DCDC2: variants seen among roughly 807,000 people sequenced by gnomAD.
DCDC2 encodes the protein doublecortin domain containing 2, also known as doublecortin domain-containing protein 2.
In DCDC2, 40 loss-of-function variants were observed where a neutral mutation model predicts 50.2. The observed-to-expected ratio is 0.80, with a 90% CI of 0.62 to 1.04. The LOEUF is 1.04. Among genes scored for constraint, DCDC2 ranks in the 50% least tolerant of loss-of-function variants. The pLI is 0.00. For missense variants in DCDC2, 570 were observed against 581.9 expected, an observed-to-expected ratio of 0.98 and a Z score of 0.21; for synonymous variants, 234 against 210.6, an observed-to-expected ratio of 1.11 and a Z score of -0.96.
At chr6:24,188,960 G>A (rs1253031516) in intron 8 of DCDC2, among the ~76,000 whole-genome samples, 1 of 151,792 alleles carries the variant, frequency 6.6e-6, no homozygotes, top group Non-Finnish European at 1.5e-5. Flanking sequence ...TACGATTACA[G>A]ACAATATGTA....
At chr6:24,381,945 G>GGA in the DCDC2 span, among the ~76,000 whole-genome samples, 25 of 96,768 alleles carry the variant, frequency 2.6e-4, no homozygotes, top group African/African-American at 9.4e-4. Context: ...AAAGAAAGAA[G>GGA]AAGAAGGAAA....
chr6:24,231,372 G>A (rs1419529551), intron 7 of DCDC2, among the ~76,000 whole-genome samples: 1 of 152,182 alleles, frequency 6.6e-6, no homozygotes, highest in African/African-American at 2.4e-5. Flanking sequence ...CAGGCCAGGA[G>A]CTCTGGTTGC....
At chr6:24,358,959 T>A (rs1581671513), upstream of DCDC2, among the ~76,000 whole-genome samples, 2 of 76,298 alleles carry the variant, frequency 2.6e-5, no homozygotes, top group African/African-American at 5.8e-5. Flanking sequence ...TATTATATAT[T>A]ATATATTATA....
chr6:24,245,674 A>G (rs946955988), intron 7 of DCDC2, among the ~76,000 whole-genome samples: 22 of 152,250 alleles, frequency 1.4e-4, no homozygotes, highest in Non-Finnish European at 1.9e-4. Context: ...GATTAGATTT[A>G]CATATGATGT....
Position 24,301,821 on chromosome 6 carries a change from TTA to T in DCDC2, c.449_450del (p.Ile150LysfsTer46), listed in dbSNP as rs745462287. The T allele has an allele frequency of 6.2e-6, 10 of 1,614,158 alleles. No individual in the cohort carries two copies. The highest frequency in any genetic ancestry group is 1.1e-5 in the South Asian group (1 of 91,076). ...TIFLIANGDL[I>X]NPASRLLIPR... The stretch of plus-strand genomic sequence containing the variant: ...GGGATAAGGAGGCGAGAAGCTGGGT[TTA>T]TGAGGTCTCCATTTGCAATCAAGCT... On this transcript the variant is annotated frameshift_variant, in exon 4 of 10. Transcript: ENST00000378454. LOFTEE classifies it high-confidence loss of function.
chr6:24,323,778 C>T (rs1270021546), intron 2 of DCDC2, among the ~76,000 whole-genome samples: 1 of 152,192 alleles, frequency 6.6e-6, no homozygotes, highest in Non-Finnish European at 1.5e-5. Flanking sequence ...CATTTAAGCA[C>T]TTAAGCATAA....
At chr6:24,193,260 A>G (rs1397131714) in intron 8 of DCDC2, among the ~76,000 whole-genome samples, 1 of 152,158 alleles carries the variant, frequency 6.6e-6, no homozygotes, top group Non-Finnish European at 1.5e-5. Flanking sequence ...AGTTCCACAA[A>G]AATTGAAGGT....
chr6:24,298,522 T>C (rs73396022), intron 4 of DCDC2, among the ~76,000 whole-genome samples: 4,144 of 152,300 alleles, frequency 0.027, 166 homozygotes, highest in African/African-American at 0.09. Context: ...TCCATAACCC[T>C]GGGCAAATAA....
intron 4 of DCDC2, among the ~76,000 whole-genome samples, chr6:24,298,160 C>G (rs1759293940): frequency 6.6e-6 from 1 of 152,212 alleles, no homozygotes; most frequent in Non-Finnish European, 1.5e-5. Context: ...CTAGATACCT[C>G]GCATGCACAG....
At chr6:24,374,185 A>C in the DCDC2 span, among the ~76,000 whole-genome samples, 1 of 148,908 alleles carries the variant, frequency 6.7e-6, no homozygotes, top group Non-Finnish European at 1.5e-5. Context: ...AAAAGGAAGG[A>C]GAGGAAGAAG....
intron 8 of DCDC2, among the ~76,000 whole-genome samples, chr6:24,193,745 T>C (rs1432383882): frequency 6.6e-6 from 1 of 152,110 alleles, no homozygotes; most frequent in Non-Finnish European, 1.5e-5. Context: ...AAGGTATCTG[T>C]ATGTGTTTGT....
the DCDC2 span, among the ~76,000 whole-genome samples, chr6:24,368,038 T>G: frequency 6.6e-6 from 1 of 152,078 alleles, no homozygotes; most frequent in Admixed American, 6.6e-5. Context: ...AGACTTTAAA[T>G]AGCAGATTAG....
chr6:24,200,084 C>A (rs192481953), intron 8 of DCDC2, among the ~76,000 whole-genome samples: 2 of 152,308 alleles, frequency 1.3e-5, no homozygotes, highest in East Asian at 3.9e-4. Flanking sequence ...AGAAAACACT[C>A]TTCAGGATGT....
In DCDC2 at chr6:24,315,474, C is replaced by A. The variant is rs998317142; in HGVS notation, c.349-13430G>T. ...ATGTACCTCCTAGTTTATTTACTAT[C>A]CACAGAGAGGGCTCATTCATTCAAT... On this transcript the variant is annotated intron_variant, in intron 2 of 9. Coordinates refer to ENST00000378454, the MANE Select transcript of DCDC2 (RefSeq NM_016356.5). Among the ~76,000 whole-genome samples, 3 of 152,138 alleles carry A rather than the reference C, an allele frequency of 2.0e-5. No individual in the cohort carries two copies. The South Asian group carries it at 6.2e-4, about 31-fold the overall frequency.
chr6:24,327,123 G>A (rs1247298259), intron 2 of DCDC2, among the ~76,000 whole-genome samples: 1 of 149,268 alleles, frequency 6.7e-6, no homozygotes, highest in Admixed American at 6.7e-5. Flanking sequence ...CAATTAACTG[G>A]ATAGTATGTA....
At chr6:24,338,909 G>A (rs552679394) in intron 2 of DCDC2, among the ~76,000 whole-genome samples, 7 of 152,256 alleles carry the variant, frequency 4.6e-5, no homozygotes, top group Non-Finnish European at 7.4e-5. Context: ...CTCCCAAAGT[G>A]CTGGGATTAC....
chr6:24,299,377 A>T (rs575573607), intron 4 of DCDC2, among the ~76,000 whole-genome samples: 1 of 152,310 alleles, frequency 6.6e-6, no homozygotes, highest in Admixed American at 6.5e-5. Flanking sequence ...CTTATTGGGT[A>T]CTATGCTCAC....
At chr6:24,308,900 G>A (rs981795735) in intron 2 of DCDC2, among the ~76,000 whole-genome samples, 15 of 152,218 alleles carry the variant, frequency 9.9e-5, no homozygotes, top group South Asian at 6.2e-4. Context: ...GATAAAAGCC[G>A]AGAGAATTGA....
At chr6:24,282,834 T>C (rs1237011074) in intron 6 of DCDC2, among the ~76,000 whole-genome samples, 1 of 152,154 alleles carries the variant, frequency 6.6e-6, no homozygotes, top group Non-Finnish European at 1.5e-5. Flanking sequence ...TATCTGGTGA[T>C]GACAAGAGTA....
Sources: allele counts gnomAD v4.1 joint callset (sites outside exome capture counted in the v4.1 genomes callset), GRCh38; gene constraint gnomAD v4.1.1; transcripts MANE v1.5; gene names NCBI Gene and HGNC (gene_info 2026-07-23, HGNC 2026-07-21).